Variants in EHMT1 observed in about 807,000 individuals in gnomAD.
The protein encoded by EHMT1 is histone-lysine N-methyltransferase EHMT1.
In EHMT1, 15 loss-of-function variants were observed where a neutral mutation model predicts 147.2. The ratio of observed to expected loss-of-function variants is 0.10; its 90% confidence interval spans 0.07 to 0.16. The LOEUF (loss-of-function observed/expected upper bound fraction) is 0.16. Ranked by LOEUF, EHMT1 falls within the 10% of genes least tolerant of loss-of-function variation. The probability of loss-of-function intolerance (pLI) is 1.00; values close to 1 mark genes in which losing one functional copy is unlikely to be tolerated. For synonymous variants in EHMT1, 795 were observed against 709.6 expected, an observed-to-expected ratio of 1.12 and a Z score of -1.91; for missense variants, 1,587 against 1,772.4, an observed-to-expected ratio of 0.90 and a Z score of 1.88.
Position 137,620,602 on chromosome 9 carries a change from A to T in EHMT1, c.21+1553A>T, listed in dbSNP as rs184097926. 5.6e-4 allele frequency among the ~76,000 whole-genome samples: 86 copies of T among 152,220 alleles called. 1 individual carries two copies. Among genetic ancestry groups the T allele is most frequent in the Admixed American group, 1.5e-3 (23 of 15,260 alleles). ...AGACCGGGGTTTCACCATGTTGCCC[A>T]GGCTGGTCTTGAACTTTTGGACTCC... On this transcript the variant is annotated intron_variant, in intron 1 of 26. Coordinates refer to ENST00000460843, the MANE Select transcript of EHMT1 (RefSeq NM_024757.5).
chr9:137,804,955 G>A (rs1190523169), intron 18 of EHMT1, among the ~76,000 whole-genome samples: 1 of 152,088 alleles, frequency 6.6e-6, no homozygotes, highest in Non-Finnish European at 1.5e-5. Context: ...ATCCATGTAT[G>A]AGTCCGTCCA....
chr9:137,644,691 G>A (rs1844757927), intron 1 of EHMT1, among the ~76,000 whole-genome samples: 1 of 152,064 alleles, frequency 6.6e-6, no homozygotes, highest in Non-Finnish European at 1.5e-5. Flanking sequence ...TTAGCTTTCA[G>A]TTTGTACAGA....
At chr9:137,820,330 C>T (rs988485669) in intron 25 of EHMT1, among the ~76,000 whole-genome samples, 3 of 152,196 alleles carry the variant, frequency 2.0e-5, no homozygotes, top group African/African-American at 4.8e-5. Flanking sequence ...TCCTCTGCTG[C>T]GAACTGCCCA....
At chr9:137,620,383 C>T (rs1437702462) in intron 1 of EHMT1, among the ~76,000 whole-genome samples, 1 of 152,168 alleles carries the variant, frequency 6.6e-6, no homozygotes. Context: ...CCCTGTGCAG[C>T]AGGTGCTGTT....
At chr9:137,798,970 A>C in intron 17 of EHMT1, 56 bp downstream of exon 17, 19 of 1,392,210 alleles carry the variant, frequency 1.4e-5, no homozygotes, top group Non-Finnish European at 1.3e-5. Flanking sequence ...ACGGAAACTC[A>C]CTGTTCTGCA....
In EHMT1 at chr9:137,762,756, A is replaced by G. The variant is rs752777139; in HGVS notation, c.1583A>G (p.Lys528Arg). 1.6e-5 allele frequency: 26 copies of G among 1,614,134 alleles called. No individual in the cohort carries two copies. Among genetic ancestry groups the G allele is most frequent in the Non-Finnish European group, 2.1e-5 (25 of 1,180,048 alleles). The change falls in exon 10 of 27, where the codon AAG (lysine) becomes AGG (arginine). Residue 528 changes from lysine to arginine, a missense_variant. Physicochemically the swap from Lys to Arg is conservative, Grantham distance 26. This residue lies in a region of EHMT1 where 124 missense variants were observed against 197.8 expected (regional missense o/e 0.63). Coordinates refer to ENST00000460843, the MANE Select transcript of EHMT1 (RefSeq NM_024757.5). The stretch of plus-strand genomic sequence containing the variant: ...TGCAGCTGCCGGATGGAAACACCGA[A>G]GAGTCGAGAGATCACCACACTGGCC... Reference protein sequence around the residue: ...PLCSCRMETPKSREITTLANN... With the variant: ...PLCSCRMETPRSREITTLANN...
chr9:137,777,712 T>A (rs933641005), intron 12 of EHMT1, among the ~76,000 whole-genome samples, 170 bp from the exon 13 acceptor site: 13 of 152,152 alleles, frequency 8.5e-5, no homozygotes, highest in Non-Finnish European at 1.3e-4. Context: ...GTTGCCCTAG[T>A]TTTCTCAGGA....
intron 1 of EHMT1, among the ~76,000 whole-genome samples, chr9:137,677,746 C>T (rs969803522): frequency 6.6e-6 from 1 of 151,972 alleles, no homozygotes; most frequent in African/African-American, 2.4e-5. Flanking sequence ...TAACACAACA[C>T]TGTTGTGTAT....
Position 137,787,651 on chromosome 9 carries a change from C to T in EHMT1, c.2383-3197C>T, listed in dbSNP as rs11137229. 0.19 allele frequency: 109,238 copies of T among 577,032 alleles called. 12,151 individuals carry two copies. Among genetic ancestry groups the T allele is most frequent in the Admixed American group, 0.35 (12,020 of 34,170 alleles). The allele number at this position is 577,032 out of a possible 1,614,324, so 35.7% of individuals were successfully genotyped here. ...GGTGGAAGCGGGAGGGAGGAGGGGCCTGTCTTAAGAGCCTCACAGGCTGCA... is the reference window on the plus strand; with the variant it reads ...GGTGGAAGCGGGAGGGAGGAGGGGCTTGTCTTAAGAGCCTCACAGGCTGCA... On this transcript the variant is annotated intron_variant, in intron 15 of 26. Transcript: ENST00000460843. This position sits in a 1 kb window ranked among gnomAD's most constrained non-coding sequence, Gnocchi z 4.2.
At chr9:137,802,599 C>G in intron 18 of EHMT1, 2 of 400,696 alleles carry the variant, frequency 5.0e-6, no homozygotes. Flanking sequence ...GGCGTGGGCA[C>G]GGGCCCTTGC....
At chr9:137,832,258 C>T (rs1217997510) in intron 25 of EHMT1, among the ~76,000 whole-genome samples, 3 of 150,380 alleles carry the variant, frequency 2.0e-5, no homozygotes, top group Non-Finnish European at 3.0e-5. Context: ...GCTGGGCTCC[C>T]TCCTCAGGCC....
At chr9:137,718,758 T>TC (rs1192678880) in intron 3 of EHMT1, among the ~76,000 whole-genome samples, 1 of 150,400 alleles carries the variant, frequency 6.6e-6, no homozygotes, top group African/African-American at 2.5e-5. Context: ...CTTTTTCTTT[T>TC]TCTTTTTTTT....
In EHMT1 at chr9:137,834,860, G is replaced by A; in HGVS notation, c.3804G>A (p.Ala1268=). The A allele has an allele frequency of 3.1e-6, 5 of 1,611,642 alleles. No individual in the cohort carries two copies. In the South Asian group the frequency reaches 3.3e-5, roughly 11 times the overall value. The stretch of plus-strand genomic sequence containing the variant: ...CCCCCAAGTGCCGGCACTCGAGCGC[G>A]GCCCTGGCCCAGCGTCAGGCCAGCG... ...CGSPKCRHSS[A]ALAQRQASAA... Residue 1268 remains alanine (A), a synonymous_variant, in exon 27 of 27, where the codon GCG becomes GCA. Transcript: ENST00000460843.
At chr9:137,622,885 T>C (rs1353756396) in intron 1 of EHMT1, among the ~76,000 whole-genome samples, 2 of 131,332 alleles carry the variant, frequency 1.5e-5, no homozygotes, top group African/African-American at 5.9e-5. Context: ...GCAGCCTGGG[T>C]GACAGAGCAA....
At chr9:137,820,194 T>C (rs1955292637) in intron 25 of EHMT1, 1 of 152,242 alleles carries the variant, frequency 6.6e-6, no homozygotes, top group Admixed American at 6.5e-5. Flanking sequence ...AAATGACTTG[T>C]GTTTCATAGA....
intron 18 of EHMT1, chr9:137,802,593 TGGGCACGG>T: frequency 2.5e-6 from 1 of 399,544 alleles, no homozygotes; most frequent in Non-Finnish European, 4.4e-6. Context: ...GAGAACGGCG[TGGGCACGG>T]GCCCTTGCCA....
rs981130578 is a variant in EHMT1 at position 137,758,120 on chromosome 9, G to A, written c.1501+109G>A. On this transcript the variant is annotated intron_variant, in intron 9 of 26. Transcript: ENST00000460843. ...CCTTGGTGGACACTAGTAGAAGATC[G>A]GGTTAACTGCATCACTTCCAGCTGA... 207 of 1,444,212 alleles carry A rather than the reference G, an allele frequency of 1.4e-4. No homozygotes were observed. Among genetic ancestry groups the A allele is most frequent in the Non-Finnish European group, 2.0e-4 (203 of 1,032,520 alleles). The allele number at this position is 1,444,212 out of a possible 1,614,324, so 89.5% of individuals were successfully genotyped here.
chr9:137,625,940 C>T (rs1048352465), intron 1 of EHMT1, among the ~76,000 whole-genome samples: 2 of 151,346 alleles, frequency 1.3e-5, no homozygotes, highest in Middle Eastern at 3.4e-3. Context: ...ACTGCAACCT[C>T]TGCCTCCCGG....
chr9:137,630,028 T>C (rs1282530814), intron 1 of EHMT1, among the ~76,000 whole-genome samples: 1 of 152,214 alleles, frequency 6.6e-6, no homozygotes, highest in Non-Finnish European at 1.5e-5. Context: ...TCTTCAGAGG[T>C]AGCATTTCCT....
Sources: allele counts gnomAD v4.1 joint callset (sites outside exome capture counted in the v4.1 genomes callset), GRCh38; gene constraint gnomAD v4.1.1; regional missense constraint gnomAD v4.1.1; non-coding constraint Gnocchi (gnomAD v3.1); transcripts MANE v1.5; gene names NCBI Gene and HGNC (gene_info 2026-07-23, HGNC 2026-07-21).